Variants in RAD9B observed in about 807,000 individuals in gnomAD.
RAD9B encodes cell cycle checkpoint control protein RAD9B.
Under a neutral mutation model 48.3 loss-of-function variants are expected in RAD9B, and 41 were observed. That is an observed-to-expected ratio of 0.85 (90% CI 0.66 to 1.10). The LOEUF (loss-of-function observed/expected upper bound fraction) is 1.10. Ranked by LOEUF, RAD9B falls within the 50% of genes least tolerant of loss-of-function variation. The pLI is 0.00. For synonymous variants in RAD9B, 160 were observed against 157.9 expected (o/e 1.01, Z -0.10); for missense variants, 444 against 485.1 (o/e 0.92, Z 0.80).
intron 4 of RAD9B, among the ~76,000 whole-genome samples, chr12:110,511,757 A>G (rs2135679023): frequency 6.6e-6 from 1 of 152,350 alleles, no homozygotes; most frequent in East Asian, 1.9e-4. Context: ...GAAATGATAA[A>G]TACTTGAGGT....
At chr12:110,527,937 C>G (rs2063997160) in intron 10 of RAD9B, among the ~76,000 whole-genome samples, 1 of 151,942 alleles carries the variant, frequency 6.6e-6, no homozygotes, top group Non-Finnish European at 1.5e-5. Context: ...GGGGAGGGAG[C>G]CTGGGGGCTT....
In RAD9B at chr12:110,531,506, A is replaced by T; in HGVS notation, c.*853A>T. The T allele has an allele frequency of 2.6e-6, 3 of 1,153,466 alleles. No homozygotes were observed. The South Asian group carries it at 3.9e-5, about 15-fold the overall frequency. The allele number at this position is 1,153,466 out of a possible 1,614,324, so 71.5% of individuals were successfully genotyped here. ...TGCGCCCAACCTGGAGTGTTTTTAC[A>T]TATTGTAAAATTTTATTTCCTAACC... is the stretch of plus-strand genomic sequence containing the variant. On this transcript the variant is annotated 3_prime_UTR_variant, in exon 11 of 11. Transcript: ENST00000409300.
At position 110,506,663 on chromosome 12, in the gene RAD9B, A is replaced by G; in HGVS notation, c.358A>G (p.Lys120Glu). Residue 120 changes from lysine (K) to glutamate (E), a missense_variant, in exon 4 of 11, where the codon AAA becomes GAA. Coordinates refer to ENST00000409300, the MANE Select transcript of RAD9B (RefSeq NM_001286535.2). ...CRIFTRSDKC[K>E]VVIQFFYRHG... is the part of the protein sequence containing the mutation. ...AATATTCACCAGATCTGATAAATGC[A>G]AAGTAGTTATTCAATTCTTCTACAG... 6.3e-7 allele frequency: 1 copy of G among 1,582,866 alleles called. No individual in the cohort carries two copies. The highest frequency in any genetic ancestry group is 8.7e-7 in the Non-Finnish European group (1 of 1,152,430).
At chr12:110,506,338 G>A (rs1179352963) in intron 3 of RAD9B, among the ~76,000 whole-genome samples, 3 of 151,946 alleles carry the variant, frequency 2.0e-5, no homozygotes, top group Non-Finnish European at 4.4e-5. Flanking sequence ...ACAGGCGCCC[G>A]CCACTACGCC....
intron 3 of RAD9B, among the ~76,000 whole-genome samples, chr12:110,506,188 G>A (rs1182387034): frequency 6.7e-6 from 1 of 149,344 alleles, no homozygotes; most frequent in East Asian, 2.0e-4. Flanking sequence ...ACCTGGCCAA[G>A]TCTGTTCATT....
chr12:110,515,018 ATAATGT>A, intron 5 of RAD9B, 26 bp from the exon 6 acceptor site: 1 of 1,301,636 alleles, frequency 7.7e-7, no homozygotes, highest in Non-Finnish European at 1.1e-6. Flanking sequence ...TGTTTTTCAA[ATAATGT>A]TAATACTGTT....
intron 1 of RAD9B, chr12:110,502,703 AT>A: frequency 3.9e-6 from 1 of 258,154 alleles, no homozygotes; most frequent in East Asian, 8.0e-5. Context: ...CAGTAAAAGT[AT>A]TTTTGTGCCA....
intron 6 of RAD9B, among the ~76,000 whole-genome samples, chr12:110,517,189 G>C (rs778482157): frequency 6.6e-6 from 1 of 152,008 alleles, no homozygotes; most frequent in Non-Finnish European, 1.5e-5. Flanking sequence ...AAATTAGCCA[G>C]GTATGGTGGC....
rs1291479837 is a variant in RAD9B, at chr12:110,532,316, A to G, written c.*1663A>G. 6.6e-6 allele frequency among the ~76,000 whole-genome samples: 1 copy of G among 152,236 alleles called. No individual in the cohort carries two copies. The highest frequency in any genetic ancestry group is 6.5e-5 in the Admixed American group (1 of 15,272). On this transcript the variant is annotated 3_prime_UTR_variant, in exon 11 of 11. Coordinates refer to ENST00000409300, the MANE Select transcript of RAD9B (RefSeq NM_001286535.2). Reference sequence around the variant, plus strand: ...CTCTGTAGGTCTCTTTGCTGAGGATAACATTTCTGGTTCATTCATTGAAGT... The same window carrying G: ...CTCTGTAGGTCTCTTTGCTGAGGATGACATTTCTGGTTCATTCATTGAAGT...
chr12:110,506,951 C>T (rs928105709), intron 4 of RAD9B, among the ~76,000 whole-genome samples: 4 of 151,938 alleles, frequency 2.6e-5, no homozygotes, highest in South Asian at 4.2e-4. Flanking sequence ...GCAGTTCTCC[C>T]GCCTCAGCCT....
intron 10 of RAD9B, among the ~76,000 whole-genome samples, chr12:110,529,007 C>T (rs1229205208): frequency 6.6e-6 from 1 of 151,856 alleles, no homozygotes; most frequent in African/African-American, 2.4e-5. Flanking sequence ...GGATTACAGG[C>T]GTGAGCTACC....
At position 110,532,762 on chromosome 12, in the gene RAD9B, A is replaced by C. The variant is rs2135752209; in HGVS notation, c.*2109A>C. ...TCTATGTTTAGATATACAGATGCTT[A>C]CTGTTGTGTTACAACTGCCTACAGT... On this transcript the variant is annotated 3_prime_UTR_variant, in exon 11 of 11. Transcript: ENST00000409300. 6.6e-6 allele frequency among the ~76,000 whole-genome samples: 1 copy of C among 152,324 alleles called. No individual in the cohort carries two copies. Among genetic ancestry groups the C allele is most frequent in the East Asian group, 1.9e-4 (1 of 5,190 alleles).
At chr12:110,518,186 G>A (rs1044284491) in intron 6 of RAD9B, among the ~76,000 whole-genome samples, 7 of 145,986 alleles carry the variant, frequency 4.8e-5, no homozygotes, top group Admixed American at 2.8e-4. Context: ...GTGAGACTCC[G>A]TCTCAAAAGA....
At chr12:110,515,302 AT>A in intron 6 of RAD9B, 146 bp downstream of exon 6, 1 of 554,744 alleles carries the variant, frequency 1.8e-6, no homozygotes, top group Non-Finnish European at 3.2e-6. Flanking sequence ...GCTTTAAGAG[AT>A]CCAACAAGTT....
chr12:110,503,750 T>G, intron 1 of RAD9B, 56 bp from the exon 2 acceptor site: 1 of 1,278,450 alleles, frequency 7.8e-7, no homozygotes, highest in Admixed American at 1.9e-5. Flanking sequence ...GTCTTGTGAT[T>G]TGTTTTTATT....
chr12:110,531,037 A>AT lies in RAD9B; in HGVS notation c.*387dup. ...AGATGGCTTGAAATGGAATTTTGTG[A>AT]TTTGTAGTCAGGTATCTTTTGTATT... On this transcript the variant is annotated 3_prime_UTR_variant, in exon 11 of 11. Transcript: ENST00000409300. 1 of 1,004,320 alleles carries AT rather than the reference A, an allele frequency of 1.0e-6. No individual in the cohort carries two copies. The highest frequency in any genetic ancestry group is 1.2e-6 in the Non-Finnish European group (1 of 842,524). 62.2% of individuals were successfully genotyped at this position (1,004,320 alleles called of 1,614,324 possible). A position where few individuals can be genotyped will look rare whatever the true frequency, so the allele number is the denominator to read the frequency against.
In RAD9B at chr12:110,512,857, A is replaced by AT. The variant is rs2063500487; in HGVS notation, c.468dup (p.Thr157TyrfsTer11). 1 of 1,544,960 alleles carries AT rather than the reference A, an allele frequency of 6.5e-7. No homozygotes were observed. The highest frequency in any genetic ancestry group is 1.4e-5 in the African/African-American group (1 of 73,576). ...ATTTTTGACAAGAATGTTTGTACTA[A>AT]TACGCTAATGATTCAACCAAGGTAA... On this transcript the variant is annotated frameshift_variant, in exon 5 of 11. Coordinates refer to ENST00000409300, the MANE Select transcript of RAD9B (RefSeq NM_001286535.2). LOFTEE classifies it high-confidence loss of function.
chr12:110,508,424 G>A (rs545037812), intron 4 of RAD9B, among the ~76,000 whole-genome samples: 33 of 152,240 alleles, frequency 2.2e-4, no homozygotes, highest in Admixed American at 2.0e-3. Flanking sequence ...CTCTCAAGTA[G>A]CTTACTTGAG....
intron 10 of RAD9B, among the ~76,000 whole-genome samples, chr12:110,525,298 G>A (rs563408474): frequency 4.6e-5 from 7 of 151,384 alleles, no homozygotes; most frequent in Non-Finnish European, 1.0e-4. Flanking sequence ...GCCAGTTTTT[G>A]TATTTTTAGT....
Sources: allele counts gnomAD v4.1 joint callset (sites outside exome capture counted in the v4.1 genomes callset), GRCh38; gene constraint gnomAD v4.1.1; transcripts MANE v1.5; gene names NCBI Gene and HGNC (gene_info 2026-07-23, HGNC 2026-07-21).